Variants in RHCE observed in about 807,000 individuals in gnomAD.
RHCE encodes the protein Rh blood group CcEe antigens.
In RHCE, 22 loss-of-function variants were observed where a neutral mutation model predicts 43.8. The ratio of observed to expected loss-of-function variants is 0.50; its 90% CI spans 0.36 to 0.72. RHCE has a LOEUF of 0.72. Among genes scored for constraint, RHCE ranks in the 30% least tolerant of loss-of-function variants. RHCE has a pLI of 0.00. For synonymous variants in RHCE, 156 were observed against 210.7 expected (o/e 0.74, Z 2.25); for missense variants, 385 against 525.4 (o/e 0.73, Z 2.61).
intron 7 of RHCE, among the ~76,000 whole-genome samples, chr1:25,377,033 C>G (rs182888638): frequency 1.8e-4 from 27 of 152,138 alleles, no homozygotes; most frequent in African/African-American, 5.3e-4. Flanking sequence ...AGCCATCCCC[C>G]CTTCCGTGTG....
Position 25,420,644 on chromosome 1 carries a change from T to C in RHCE, c.143A>G (p.Tyr48Cys), listed in dbSNP as rs758379880. 2.5e-6 allele frequency: 4 copies of C among 1,613,888 alleles called. No homozygotes were observed. The highest frequency in any genetic ancestry group is 1.1e-5 in the South Asian group (1 of 91,070). ...LEDQKGLVAS[Y>C]QVGQDLTVMA... ...CTGTTCCAATGAACTCTCACCTTGATAGGATGCCACGAGCCCCTTTTGATC... is the reference window on the plus strand; with the variant it reads ...CTGTTCCAATGAACTCTCACCTTGACAGGATGCCACGAGCCCCTTTTGATC... Residue 48 changes from tyrosine to cysteine, a missense_variant, in exon 1 of 10, where the codon TAT (tyrosine) becomes TGT (cysteine). Transcript: ENST00000294413.
intron 2 of RHCE, 57 bp downstream of exon 2, chr1:25,408,626 C>T (rs1313876041): frequency 3.6e-6 from 4 of 1,117,326 alleles, no homozygotes; most frequent in Non-Finnish European, 4.9e-6. Flanking sequence ...TGGAACCTGT[C>T]CTTTCGGGGT....
chr1:25,379,490 TA>T (rs1645921388), intron 7 of RHCE, among the ~76,000 whole-genome samples: 11 of 17,760 alleles, frequency 6.2e-4, no homozygotes, highest in African/African-American at 3.0e-3. Context: ...TATATATATA[TA>T]TATATTTTTT....
At chr1:25,413,734 T>C (rs1647177349) in intron 1 of RHCE, among the ~76,000 whole-genome samples, 1 of 151,932 alleles carries the variant, frequency 6.6e-6, no homozygotes, top group Non-Finnish European at 1.5e-5. Flanking sequence ...CAGCCTCAGG[T>C]AGGAGGTACG....
At chr1:25,406,239 G>A (rs1433619159) in intron 2 of RHCE, among the ~76,000 whole-genome samples, 1 of 86,532 alleles carries the variant, frequency 1.2e-5, no homozygotes, top group African/African-American at 6.3e-5. Context: ...GCGGGCGTGC[G>A]TGCGTGCGTG....
intron 5 of RHCE, 23 bp downstream of exon 5, chr1:25,390,726 C>G (rs779410977): frequency 6.2e-7 from 1 of 1,614,136 alleles, no homozygotes; most frequent in Admixed American, 1.7e-5. Context: ...CCAAGTGCTG[C>G]CCAAGGGCAG....
chr1:25,410,619 C>T (rs1647043687), intron 1 of RHCE, among the ~76,000 whole-genome samples: 1 of 151,892 alleles, frequency 6.6e-6, no homozygotes, highest in Non-Finnish European at 1.5e-5. Context: ...AAGCTGGTCT[C>T]GAACTCCTGA....
intron 1 of RHCE, among the ~76,000 whole-genome samples, chr1:25,413,545 C>T (rs886553797): frequency 3.3e-5 from 5 of 152,194 alleles, no homozygotes; most frequent in Admixed American, 2.6e-4. Context: ...GTACATTCTA[C>T]GGAAAGCCTT....
At chr1:25,414,926 T>A (rs966039341) in intron 1 of RHCE, among the ~76,000 whole-genome samples, 1 of 152,122 alleles carries the variant, frequency 6.6e-6, no homozygotes, top group Non-Finnish European at 1.5e-5. Context: ...AGGTTGCTAT[T>A]TTAAGCCACT....
chr1:25,370,160 A>G lies in RHCE; in HGVS notation c.1227+307T>C, dbSNP rs562080551. Among the ~76,000 whole-genome samples the G allele has an allele frequency of 2.2e-3, 336 of 151,744 alleles. 6 individuals are homozygous for G. Among genetic ancestry groups the G allele is most frequent in the African/African-American group, 6.2e-3 (255 of 41,090 alleles). ...GCGGGGTTCTGTCACCCGCATGTCA[A>G]ACTATTTGGCTACGCTGAGGACTGC... On this transcript the variant is annotated intron_variant, in intron 9 of 9. Coordinates refer to ENST00000294413, the MANE Select transcript of RHCE (RefSeq NM_020485.8).
At chr1:25,416,349 C>T (rs1364552767) in intron 1 of RHCE, among the ~76,000 whole-genome samples, 3 of 151,808 alleles carry the variant, frequency 2.0e-5, no homozygotes, top group East Asian at 1.9e-4. Flanking sequence ...CTGAAAGCTC[C>T]GCCTCCTGGG....
intron 1 of RHCE, among the ~76,000 whole-genome samples, chr1:25,414,702 G>A (rs989393572): frequency 2.6e-5 from 4 of 152,148 alleles, no homozygotes; most frequent in African/African-American, 9.7e-5. Context: ...TCCCAGTTTG[G>A]TAGCCTTAGG....
intron 9 of RHCE, among the ~76,000 whole-genome samples, chr1:25,369,388 ACTGGTCCCTG>A (rs759522191): frequency 1.3e-5 from 2 of 151,652 alleles, no homozygotes; most frequent in Non-Finnish European, 2.9e-5. Context: ...CTGTGACAAT[ACTGGTCCCTG>A]CTGGTCCAGC....
intron 3 of RHCE, among the ~76,000 whole-genome samples, chr1:25,395,215 A>G (rs1265674598): frequency 1.4e-5 from 2 of 143,750 alleles, no homozygotes; most frequent in African/African-American, 5.4e-5. Flanking sequence ...GAGTGGAAAA[A>G]TGACCCAGGG....
intron 2 of RHCE, among the ~76,000 whole-genome samples, 160 bp from the exon 3 acceptor site, chr1:25,402,906 G>A (rs1557631284): frequency 6.6e-6 from 1 of 152,044 alleles, no homozygotes; most frequent in South Asian, 2.1e-4. Flanking sequence ...GCTGCAGAGT[G>A]GAGTGACCAT....
intron 7 of RHCE, among the ~76,000 whole-genome samples, chr1:25,382,656 T>A (rs1464784619): frequency 2.0e-5 from 3 of 151,940 alleles, no homozygotes; most frequent in African/African-American, 7.3e-5. Context: ...GCCCTGTGAG[T>A]GAGCTATTAA....
intron 3 of RHCE, among the ~76,000 whole-genome samples, chr1:25,399,540 T>C (rs566396599): frequency 6.6e-6 from 1 of 152,268 alleles, no homozygotes; most frequent in African/African-American, 2.4e-5. Flanking sequence ...GATTAGCATA[T>C]GATCAAACTT....
intron 1 of RHCE, among the ~76,000 whole-genome samples, chr1:25,413,253 G>A (rs1647155084): frequency 6.6e-6 from 1 of 152,134 alleles, no homozygotes; most frequent in Non-Finnish European, 1.5e-5. Context: ...AAACTGGTCA[G>A]GAAATAACAT....
At chr1:25,389,318 C>T (rs1557615783) in intron 5 of RHCE, among the ~76,000 whole-genome samples, 1 of 152,064 alleles carries the variant, frequency 6.6e-6, no homozygotes, top group Non-Finnish European at 1.5e-5. Context: ...CTCTTAGGCT[C>T]AGGGCACAGT....
Sources: allele counts gnomAD v4.1 joint callset (sites outside exome capture counted in the v4.1 genomes callset), GRCh38; gene constraint gnomAD v4.1.1; transcripts MANE v1.5; gene names NCBI Gene and HGNC (gene_info 2026-07-23, HGNC 2026-07-21).